The following USP54 variants were observed in gnomAD, a reference collection of about 807,000 sequenced individuals.
USP54 encodes the protein ubiquitin carboxyl-terminal hydrolase 54.
USP54 carries 87 observed loss-of-function variants against 170.5 expected under a neutral mutation model. That is an observed-to-expected ratio of 0.51 (90% CI 0.43 to 0.61). USP54 has a LOEUF of 0.61. Among genes scored for constraint, USP54 ranks in the 20% least tolerant of loss-of-function variants. The probability of loss-of-function intolerance (pLI) is 0.00; values close to 1 mark genes in which losing one functional copy is unlikely to be tolerated. For synonymous variants in USP54, 655 were observed against 742.8 expected (o/e 0.88, Z 1.92); for missense variants, 1,786 against 2,047.8 (o/e 0.87, Z 2.47).
Position 73,526,860 on chromosome 10 carries a change from A to C in USP54, c.2061-80T>G, listed in dbSNP as rs545706659. On this transcript the variant is annotated intron_variant, in intron 15 of 23. Transcript: ENST00000687698. ...TTCCTAGGACTAAATCTCTCTCTCA[A>C]AAAAAAAAAATCAAACTACACAATT... 5.8e-4 allele frequency: 821 copies of C among 1,423,204 alleles called. 2 individuals are homozygous for C. The highest frequency in any genetic ancestry group is 8.4e-4 in the Admixed American group (32 of 38,316). 88.2% of individuals were successfully genotyped at this position (1,423,204 alleles called of 1,614,324 possible). A position where few individuals can be genotyped will look rare whatever the true frequency, so the allele number is the denominator to read the frequency against.
intron 1 of USP54, among the ~76,000 whole-genome samples, chr10:73,590,147 T>A (rs1346053778): frequency 6.6e-6 from 1 of 152,220 alleles, no homozygotes; most frequent in Non-Finnish European, 1.5e-5. Flanking sequence ...TTTTCTCACT[T>A]TGCAGGAAAG....
chr10:73,568,738 A>C (rs184420423), intron 4 of USP54, among the ~76,000 whole-genome samples: 37 of 152,294 alleles, frequency 2.4e-4, no homozygotes, highest in Non-Finnish European at 4.7e-4. Context: ...GAAGACCCAA[A>C]ATATAGCCTT....
chr10:73,618,167 C>T (rs986270068), intron 1 of USP54, among the ~76,000 whole-genome samples: 3 of 149,366 alleles, frequency 2.0e-5, no homozygotes, highest in South Asian at 2.1e-4. Flanking sequence ...ACCGAGATTG[C>T]GCCACTGCAC....
intron 22 of USP54, among the ~76,000 whole-genome samples, chr10:73,503,879 C>T (rs1006992205): frequency 6.6e-6 from 1 of 152,026 alleles, no homozygotes; most frequent in East Asian, 1.9e-4. Context: ...ACTACAAGCA[C>T]CCCCCACCAT....
intron 20 of USP54, among the ~76,000 whole-genome samples, chr10:73,510,112 G>A (rs761136607): frequency 2.0e-5 from 3 of 152,170 alleles, no homozygotes; most frequent in Admixed American, 6.5e-5. Flanking sequence ...CAAGGCGGGC[G>A]GATCACGTGG....
At chr10:73,566,099 G>A (rs112437088) in intron 4 of USP54, among the ~76,000 whole-genome samples, 5,360 of 152,042 alleles carry the variant, frequency 0.035, 153 homozygotes, top group South Asian at 0.12. Flanking sequence ...GCGTGGTGGC[G>A]CATGCCTGTA....
intron 4 of USP54, among the ~76,000 whole-genome samples, chr10:73,547,042 C>A (rs995880865): frequency 1.3e-5 from 2 of 152,178 alleles, no homozygotes; most frequent in Non-Finnish European, 2.9e-5. Flanking sequence ...TATTTGAATG[C>A]ACATCACTTT....
intron 4 of USP54, among the ~76,000 whole-genome samples, chr10:73,569,942 A>AAAAAAAC: frequency 8.5e-6 from 1 of 118,068 alleles, no homozygotes. Context: ...AAAAAAAAAC[A>AAAAAAAC]CCCTCCATAG....
At chr10:73,605,361 G>A (rs1037028024) in intron 1 of USP54, among the ~76,000 whole-genome samples, 3 of 152,006 alleles carry the variant, frequency 2.0e-5, no homozygotes, top group Non-Finnish European at 2.9e-5. Flanking sequence ...ACTGCACCTA[G>A]CCAATTTTTT....
intron 1 of USP54, among the ~76,000 whole-genome samples, chr10:73,625,211 T>G (rs1292203649): frequency 6.6e-6 from 1 of 151,616 alleles, no homozygotes; most frequent in Non-Finnish European, 1.5e-5. Context: ...AGAATCGCTC[T>G]CTCCCGCCCC....
intron 1 of USP54, among the ~76,000 whole-genome samples, chr10:73,624,194 A>T (rs1263640152): frequency 0.038 from 4,018 of 106,124 alleles, 155 homozygotes; most frequent in East Asian, 0.16. Flanking sequence ...ATATATATAT[A>T]TGTATTTTTT....
chr10:73,575,720 TTC>T (rs2076032355), intron 2 of USP54, 45 bp from the exon 3 acceptor site: 2 of 1,497,536 alleles, frequency 1.3e-6, no homozygotes, highest in Non-Finnish European at 1.8e-6. Context: ...TGGCAGGAAT[TTC>T]TGTCTGCTAA....
chr10:73,541,005 C>G (rs1412690745), intron 9 of USP54, among the ~76,000 whole-genome samples: 1 of 152,210 alleles, frequency 6.6e-6, no homozygotes. Flanking sequence ...GAATGCCCCT[C>G]TTTGGACCTT....
At chr10:73,572,229 T>C (rs1316554655) in intron 3 of USP54, among the ~76,000 whole-genome samples, 1 of 152,100 alleles carries the variant, frequency 6.6e-6, no homozygotes, top group African/African-American at 2.4e-5. Context: ...ACTGTCAAAG[T>C]TTATCAAAAA....
chr10:73,544,111 T>G (rs2067226955), intron 5 of USP54, among the ~76,000 whole-genome samples: 2 of 151,964 alleles, frequency 1.3e-5, no homozygotes, highest in Non-Finnish European at 2.9e-5. Flanking sequence ...CCTGGCTAAG[T>G]TTTGTGTTTT....
At chr10:73,615,791 C>T (rs1320870081) in intron 1 of USP54, among the ~76,000 whole-genome samples, 1 of 148,552 alleles carries the variant, frequency 6.7e-6, no homozygotes, top group Non-Finnish European at 1.5e-5. Flanking sequence ...CATGATGGCT[C>T]ACACTGTGGT....
At chr10:73,624,355 G>T (rs1244261417) in intron 1 of USP54, 1 of 135,284 alleles carries the variant, frequency 7.4e-6, no homozygotes, top group East Asian at 2.6e-4. Context: ...GCGCCACCAG[G>T]CCCGGCTAAT....
At chr10:73,573,427 C>A (rs1237533929) in intron 3 of USP54, among the ~76,000 whole-genome samples, 1 of 152,114 alleles carries the variant, frequency 6.6e-6, no homozygotes, top group Non-Finnish European at 1.5e-5. Flanking sequence ...ATAGGCTTGC[C>A]AGCACATAAT....
At chr10:73,607,830 C>CAAAAAAAAAAA (rs770614076) in intron 1 of USP54, among the ~76,000 whole-genome samples, 1 of 59,512 alleles carries the variant, frequency 1.7e-5, no homozygotes, top group Non-Finnish European at 3.4e-5. Flanking sequence ...GACTCCGTCT[C>CAAAAAAAAAAA]AAAAAAAAAA....
Sources: gnomAD v4.1 joint callset for allele counts (sites outside exome capture counted in the v4.1 genomes callset) on GRCh38, gnomAD v4.1.1 for gene constraint, MANE v1.5 for transcripts, NCBI Gene and HGNC (gene_info 2026-07-23, HGNC 2026-07-21) for gene names.